TTBK1: variants seen among roughly 807,000 people sequenced by gnomAD.
TTBK1 encodes the protein tau tubulin kinase 1.
In TTBK1, 34 loss-of-function variants were observed where a neutral mutation model predicts 108.5. That is an observed-to-expected ratio of 0.31 (90% CI 0.24 to 0.42). The LOEUF (loss-of-function observed/expected upper bound fraction) is 0.42. Among genes scored for constraint, TTBK1 ranks in the 10% least tolerant of loss-of-function variants. The pLI, the probability that TTBK1 is intolerant of heterozygous loss-of-function variation, is 1.00. For missense variants in TTBK1, 1,539 were observed against 1,826.0 expected (o/e 0.84, Z 2.86); for synonymous variants, 809 against 795.1 (o/e 1.02, Z -0.29).
chr6:43,256,044 C>T (rs936882660), intron 9 of TTBK1, among the ~76,000 whole-genome samples, 188 bp downstream of exon 9: 1 of 152,170 alleles, frequency 6.6e-6, no homozygotes, highest in Non-Finnish European at 1.5e-5. Context: ...TTATCAAGAG[C>T]TTACCCTGTT....
chr6:43,246,102 C>T (rs1424311094), intron 1 of TTBK1, among the ~76,000 whole-genome samples: 1 of 152,228 alleles, frequency 6.6e-6, no homozygotes, highest in Non-Finnish European at 1.5e-5. Flanking sequence ...TTCTTGATTA[C>T]CACATCTCCC....
At position 43,283,664 on chromosome 6, in the gene TTBK1, C is replaced by G. The variant is rs764867059; in HGVS notation, c.2924C>G (p.Ala975Gly). The change falls in exon 14 of 15, where the codon GCC (alanine) becomes GGC (glycine). Residue 975 changes from alanine to glycine, a missense_variant. Ala to Gly is a moderately conservative substitution (Grantham distance 60, BLOSUM62 0). Around this residue, in one of 5 missense-constraint regions of TTBK1, gnomAD observed 1,055 missense variants for 1,086.5 expected, o/e 0.97. Transcript: ENST00000259750. The surrounding 1 kb of genome is among the most constrained non-coding windows in gnomAD (Gnocchi z 8.1). ...GATGGGGGCGCTGTGGAGGAGGGGGCCCGAGCGCCCCTGGAGAACGGCCTC... is the reference window on the plus strand; with the variant it reads ...GATGGGGGCGCTGTGGAGGAGGGGGGCCGAGCGCCCCTGGAGAACGGCCTC... ...ASDGGAVEEG[A>G]RAPLENGLAL... 6.2e-7 allele frequency: 1 copy of G among 1,613,880 alleles called. No individual in the cohort carries two copies. Among genetic ancestry groups the G allele is most frequent in the South Asian group, 1.1e-5 (1 of 91,076 alleles).
chr6:43,257,099 G>A lies in TTBK1; in HGVS notation c.862-713G>A, dbSNP rs1476086808. 6.6e-6 allele frequency among the ~76,000 whole-genome samples: 1 copy of A among 152,232 alleles called. No individual in the cohort carries two copies. Among genetic ancestry groups the A allele is most frequent in the Non-Finnish European group, 1.5e-5 (1 of 68,048 alleles). On this transcript the variant is annotated intron_variant, in intron 9 of 14. Coordinates refer to ENST00000259750, the MANE Select transcript of TTBK1 (RefSeq NM_032538.3). This position sits in a 1 kb window ranked among gnomAD's most constrained non-coding sequence, Gnocchi z 4.5. ...GCACTCAATTAAGCCGGTCCTCTCA[G>A]CAGAGAGAAACTGCCCTGTGCTCTG...
intron 2 of TTBK1, among the ~76,000 whole-genome samples, chr6:43,250,808 T>C (rs979199395): frequency 3.9e-5 from 6 of 152,260 alleles, no homozygotes; most frequent in Admixed American, 2.6e-4. Context: ...ATGACATTTG[T>C]GAGACCAAGA....
intron 10 of TTBK1, among the ~76,000 whole-genome samples, chr6:43,258,255 T>C (rs1777430376): frequency 6.6e-6 from 1 of 152,198 alleles, no homozygotes; most frequent in South Asian, 2.1e-4. Flanking sequence ...TTATCATTCA[T>C]ATGCATGAAT....
In TTBK1 at chr6:43,276,485, G is replaced by A. The variant is rs1194780087; in HGVS notation, c.1987-6242G>A. Among the ~76,000 whole-genome samples the A allele has an allele frequency of 6.6e-6, 1 of 152,158 alleles. No individual in the cohort carries two copies. The highest frequency in any genetic ancestry group is 6.5e-5 in the Admixed American group (1 of 15,278). On this transcript the variant is annotated intron_variant, in intron 13 of 14. Transcript: ENST00000259750. The surrounding 1 kb of genome is among the most constrained non-coding windows in gnomAD (Gnocchi z 5.4). ...CGCACACGCGCGGCGCCGCCACGGG[G>A]GTGGGACACGGACACGCACCCACGC...
chr6:43,269,505 C>T lies in TTBK1; in HGVS notation c.1986+6155C>T. On this transcript the variant is annotated intron_variant, in intron 13 of 14. Transcript: ENST00000259750. This position sits in a 1 kb window ranked among gnomAD's most constrained non-coding sequence, Gnocchi z 4.8. ...CTTGGGGCGGGTGGTTTGCACCCTC[C>T]TCCACCCTGCCTGACCCCGCCCACT... The T allele has an allele frequency of 7.0e-6, 7 of 998,204 alleles. No individual in the cohort carries two copies. The highest frequency in any genetic ancestry group is 9.8e-6 in the Non-Finnish European group (7 of 711,298). The allele number at this position is 998,204 out of a possible 1,614,324, so 61.8% of individuals were successfully genotyped here.
intron 13 of TTBK1, among the ~76,000 whole-genome samples, chr6:43,275,083 ACACTCTCCCTCC>A (rs1162266357): frequency 6.6e-6 from 1 of 151,814 alleles, no homozygotes; most frequent in Non-Finnish European, 1.5e-5. Context: ...CCACACTCAC[ACACTCTCCCTCC>A]GTAGCTGCGC....
At position 43,259,039 on chromosome 6, in the gene TTBK1, G is replaced by A. The variant is rs1197223549; in HGVS notation, c.1018G>A (p.Val340Met). The change falls in exon 11 of 15, where the codon GTG becomes ATG. Residue 340 changes from valine (V) to methionine (M), a missense_variant and splice_region_variant. Around this residue, in one of 5 missense-constraint regions of TTBK1, gnomAD observed 277 missense variants for 332.4 expected, o/e 0.83. Transcript: ENST00000259750. The surrounding 1 kb of genome is among the most constrained non-coding windows in gnomAD (Gnocchi z 6.7). ...ATGGCTCCCTCCTGCCCTCTCCAGG[G>A]TGGTCAATGTGACGCCAGTGCCTGG... ...NTRQTAAMFGVVNVTPVPGDL... is the reference protein window; with the variant it reads ...NTRQTAAMFGMVNVTPVPGDL... 6.2e-7 allele frequency: 1 copy of A among 1,610,604 alleles called. No individual in the cohort carries two copies. The highest frequency in any genetic ancestry group is 1.1e-5 in the South Asian group (1 of 90,630).
rs780745292 is a variant in TTBK1 at position 43,283,674 on chromosome 6, C to A, written c.2934C>A (p.Pro978=). The change falls in exon 14 of 15, where the codon CCC becomes CCA. Residue 978 remains proline (P), a synonymous_variant. Transcript: ENST00000259750. This position sits in a 1 kb window ranked among gnomAD's most constrained non-coding sequence, Gnocchi z 8.1. ...GGAVEEGARA[P]LENGLALSGL... ...CTGTGGAGGAGGGGGCCCGAGCGCC[C>A]CTGGAGAACGGCCTCGCCCTGTCAG... 6.2e-7 allele frequency: 1 copy of A among 1,613,946 alleles called. No homozygotes were observed. Among genetic ancestry groups the A allele is most frequent in the South Asian group, 1.1e-5 (1 of 91,078 alleles).
chr6:43,272,180 C>T (rs1777851717), intron 13 of TTBK1: 1 of 985,244 alleles, frequency 1.0e-6, no homozygotes, highest in Non-Finnish European at 1.2e-6. Flanking sequence ...CTCCATAAGT[C>T]AGCAGCAGTG....
In TTBK1 at chr6:43,269,885, C is replaced by T. The variant is rs1475252382; in HGVS notation, c.1986+6535C>T. ...CTGCTGGCAACCACAGACTCATGCCCTCGGTGCTCCGCATCTCGCGGTCCC... is the reference window on the plus strand; with the variant it reads ...CTGCTGGCAACCACAGACTCATGCCTTCGGTGCTCCGCATCTCGCGGTCCC... On this transcript the variant is annotated intron_variant, in intron 13 of 14. Coordinates refer to ENST00000259750, the MANE Select transcript of TTBK1 (RefSeq NM_032538.3). This position sits in a 1 kb window ranked among gnomAD's most constrained non-coding sequence, Gnocchi z 4.8. 3.9e-6 allele frequency: 6 copies of T among 1,522,708 alleles called. No homozygotes were observed. Among genetic ancestry groups the T allele is most frequent in the East Asian group, 2.5e-5 (1 of 40,366 alleles). The allele number at this position is 1,522,708 out of a possible 1,614,324, so 94.3% of individuals were successfully genotyped here.
At chr6:43,270,639 G>A in intron 13 of TTBK1, 2 of 985,366 alleles carry the variant, frequency 2.0e-6, no homozygotes, top group Non-Finnish European at 2.4e-6. Context: ...ATGGTAGGCT[G>A]CCCCTCCCCC....
intron 13 of TTBK1, among the ~76,000 whole-genome samples, chr6:43,277,903 G>A (rs2756172): frequency 0.17 from 25,532 of 152,144 alleles, 3,575 homozygotes; most frequent in African/African-American, 0.39. Flanking sequence ...GCATGCACGA[G>A]GCAGTTTCTG....
Position 43,257,089 on chromosome 6 carries a change from G to A in TTBK1, c.862-723G>A, listed in dbSNP as rs776716017. Among the ~76,000 whole-genome samples the A allele has an allele frequency of 8.5e-5, 13 of 152,200 alleles. No individual in the cohort carries two copies. The highest frequency in any genetic ancestry group is 1.4e-4 in the African/African-American group (6 of 41,436). The stretch of plus-strand genomic sequence containing the variant: ...CACACAGGATGCACTCAATTAAGCC[G>A]GTCCTCTCAGCAGAGAGAAACTGCC... On this transcript the variant is annotated intron_variant, in intron 9 of 14. Transcript: ENST00000259750. The surrounding 1 kb of genome is among the most constrained non-coding windows in gnomAD (Gnocchi z 4.5).
chr6:43,274,519 G>A (rs1309659823), intron 13 of TTBK1, among the ~76,000 whole-genome samples: 1 of 152,266 alleles, frequency 6.6e-6, no homozygotes, highest in East Asian at 1.9e-4. Flanking sequence ...CTCTGACCGG[G>A]GATGGGGGCA....
At chr6:43,244,190 C>A (rs1777029852) in intron 1 of TTBK1, among the ~76,000 whole-genome samples, 1 of 152,086 alleles carries the variant, frequency 6.6e-6, no homozygotes, top group African/African-American at 2.4e-5. Flanking sequence ...CCCCTCTCCT[C>A]TGATCCTGTC....
At chr6:43,267,110 G>A (rs531954717) in intron 13 of TTBK1, among the ~76,000 whole-genome samples, 2 of 152,168 alleles carry the variant, frequency 1.3e-5, no homozygotes, top group Admixed American at 6.5e-5. Context: ...CCATGTCAGT[G>A]TGCAGGGCAG....
intron 7 of TTBK1, among the ~76,000 whole-genome samples, 167 bp from the exon 8 acceptor site, chr6:43,255,385 G>T (rs1251694897): frequency 6.6e-6 from 1 of 152,216 alleles, no homozygotes; most frequent in Non-Finnish European, 1.5e-5. Flanking sequence ...GACTCTGTGG[G>T]TGTTGGAGGG....
Sources: gnomAD v4.1 joint callset for allele counts (sites outside exome capture counted in the v4.1 genomes callset) on GRCh38, gnomAD v4.1.1 for gene constraint, gnomAD v4.1.1 regional missense constraint, Gnocchi (gnomAD v3.1) non-coding constraint, MANE v1.5 for transcripts, NCBI Gene and HGNC (gene_info 2026-07-23, HGNC 2026-07-21) for gene names.